MACROD2: variants seen among roughly 807,000 people sequenced by gnomAD.
MACROD2 encodes the protein mono-ADP ribosylhydrolase 2, also known as ADP-ribose glycohydrolase MACROD2.
A neutral mutation model predicts 70.4 loss-of-function variants in MACROD2; 36 were observed. The observed-to-expected ratio is 0.51, with a 90% CI of 0.39 to 0.68. The LOEUF (loss-of-function observed/expected upper bound fraction) is 0.68. Ranked by LOEUF, MACROD2 falls within the 30% of genes least tolerant of loss-of-function variation. The pLI is 0.00. For synonymous variants in MACROD2, 172 were observed against 178.8 expected (o/e 0.96, Z 0.30); for missense variants, 496 against 538.4 (o/e 0.92, Z 0.78).
intron 3 of MACROD2, among the ~76,000 whole-genome samples, chr20:14,115,301 A>G (rs1382140194): frequency 2.6e-5 from 4 of 152,198 alleles, no homozygotes; most frequent in Admixed American, 2.6e-4. Context: ...TATAAAACAA[A>G]ATGGGGAAAA....
At chr20:15,283,848 A>G (rs2077468367) in intron 6 of MACROD2, among the ~76,000 whole-genome samples, 1 of 152,202 alleles carries the variant, frequency 6.6e-6, no homozygotes, top group Non-Finnish European at 1.5e-5. Flanking sequence ...ACAAGTAGAA[A>G]CAATAGGATA....
intron 2 of MACROD2, among the ~76,000 whole-genome samples, chr20:14,016,769 T>C (rs1366230890): frequency 6.6e-6 from 1 of 152,188 alleles, no homozygotes; most frequent in Admixed American, 6.5e-5. Context: ...TGTAGCTTTG[T>C]AGTAAGTTTT....
intron 3 of MACROD2, among the ~76,000 whole-genome samples, chr20:14,331,616 C>T (rs912305695): frequency 2.6e-5 from 4 of 152,106 alleles, no homozygotes; most frequent in Non-Finnish European, 5.9e-5. Context: ...TATGCCCCTG[C>T]TCCCTTAGGC....
intron 5 of MACROD2, among the ~76,000 whole-genome samples, chr20:15,110,005 CATG>C (rs1415633687): frequency 6.6e-6 from 1 of 152,036 alleles, no homozygotes; most frequent in Non-Finnish European, 1.5e-5. Flanking sequence ...GTACAAGGAA[CATG>C]ATGATGGTTA....
At chr20:15,920,386 ATAAGC>A (rs1321716050) in intron 10 of MACROD2, among the ~76,000 whole-genome samples, 1 of 152,228 alleles carries the variant, frequency 6.6e-6, no homozygotes, top group Non-Finnish European at 1.5e-5. Flanking sequence ...AAAGGAAAAA[ATAAGC>A]TAACAGGGGG....
chr20:14,287,644 T>C (rs1032177957), intron 3 of MACROD2, among the ~76,000 whole-genome samples: 11 of 152,164 alleles, frequency 7.2e-5, no homozygotes, highest in African/African-American at 9.7e-5. Context: ...CACAACTCAG[T>C]TGAGTCTTCT....
chr20:15,801,482 G>GAAA (rs71190201), intron 8 of MACROD2, among the ~76,000 whole-genome samples: 1 of 143,412 alleles, frequency 7.0e-6, no homozygotes, highest in African/African-American at 2.6e-5. Context: ...TATCAAACAT[G>GAAA]AAAAAAAAAA....
intron 5 of MACROD2, among the ~76,000 whole-genome samples, chr20:15,061,186 C>A (rs1347610281): frequency 6.6e-6 from 1 of 152,128 alleles, no homozygotes; most frequent in East Asian, 1.9e-4. Context: ...GAAGACAACC[C>A]TCATTTCTCA....
chr20:15,065,670 A>AG (rs1384890033), intron 5 of MACROD2, among the ~76,000 whole-genome samples: 10 of 151,854 alleles, frequency 6.6e-5, no homozygotes, highest in Admixed American at 2.6e-4. Flanking sequence ...AAAAAAAAAA[A>AG]AGAGAAAGTA....
At chr20:14,189,771 A>C (rs1000873656) in intron 3 of MACROD2, among the ~76,000 whole-genome samples, 1 of 152,194 alleles carries the variant, frequency 6.6e-6, no homozygotes, top group Non-Finnish European at 1.5e-5. Context: ...CAGATCTCTC[A>C]ACTGTATTCT....
At chr20:15,334,837 G>A (rs1053164922) in intron 6 of MACROD2, among the ~76,000 whole-genome samples, 3 of 151,552 alleles carry the variant, frequency 2.0e-5, no homozygotes, top group Admixed American at 6.6e-5. Flanking sequence ...TTTAAACCTC[G>A]ATTAGAAACA....
chr20:14,276,224 A>C (rs2122381663), intron 3 of MACROD2, among the ~76,000 whole-genome samples: 1 of 151,968 alleles, frequency 6.6e-6, no homozygotes, highest in South Asian at 2.1e-4. Context: ...CTTGGAACCA[A>C]CCCAAATGTC....
At chr20:14,771,127 G>A (rs922981426) in intron 5 of MACROD2, among the ~76,000 whole-genome samples, 4 of 152,002 alleles carry the variant, frequency 2.6e-5, no homozygotes, top group Admixed American at 2.0e-4. Flanking sequence ...TAGAGGAAGG[G>A]AGAATTCACT....
At chr20:15,328,330 A>G (rs1451744631) in intron 6 of MACROD2, among the ~76,000 whole-genome samples, 1 of 152,120 alleles carries the variant, frequency 6.6e-6, no homozygotes, top group East Asian at 1.9e-4. Context: ...GTGCAATACC[A>G]CATCTGATCA....
intron 2 of MACROD2, among the ~76,000 whole-genome samples, chr20:14,061,690 T>C (rs1342859353): frequency 1.3e-5 from 2 of 152,164 alleles, no homozygotes; most frequent in East Asian, 1.9e-4. Flanking sequence ...AGTATAGTTA[T>C]GGAATTTAGC....
chr20:14,780,822 C>A (rs1299222050), intron 5 of MACROD2, among the ~76,000 whole-genome samples: 2 of 152,006 alleles, frequency 1.3e-5, no homozygotes, highest in Admixed American at 1.3e-4. Flanking sequence ...TTCACAAAAT[C>A]TAGGATCTTT....
intron 5 of MACROD2, among the ~76,000 whole-genome samples, chr20:14,748,441 G>A (rs989221403): frequency 1.3e-5 from 2 of 152,086 alleles, no homozygotes; most frequent in Non-Finnish European, 2.9e-5. Context: ...CTAACACTTA[G>A]TAGGTCTTTG....
At chr20:14,862,189 T>A (rs1382418976) in intron 5 of MACROD2, among the ~76,000 whole-genome samples, 6 of 3,576 alleles carry the variant, frequency 1.7e-3, no homozygotes, top group African/African-American at 6.3e-3. Context: ...AAATATATAT[T>A]TATACATAAA....
At chr20:14,603,578 T>C (rs1982623107) in intron 4 of MACROD2, among the ~76,000 whole-genome samples, 1 of 152,274 alleles carries the variant, frequency 6.6e-6, no homozygotes, top group East Asian at 1.9e-4. Flanking sequence ...AAAGGAAGGA[T>C]GGTTGGTAAG....
Sources: gnomAD v4.1 joint callset for allele counts (sites outside exome capture counted in the v4.1 genomes callset) on GRCh38, gnomAD v4.1.1 for gene constraint, MANE v1.5 for transcripts, NCBI Gene and HGNC (gene_info 2026-07-23, HGNC 2026-07-21) for gene names.